The following RIMS2 variants were observed in gnomAD, a reference collection of about 807,000 sequenced individuals.
The protein encoded by RIMS2 is regulating synaptic membrane exocytosis protein 2.
A neutral mutation model predicts 174.4 loss-of-function variants in RIMS2; 59 were observed. The ratio of observed to expected loss-of-function variants is 0.34; its 90% CI spans 0.27 to 0.42. The LOEUF is 0.42. Ranked by LOEUF, RIMS2 falls within the 10% of genes least tolerant of loss-of-function variation. The pLI is 1.00. For missense variants in RIMS2, 1,620 were observed against 1,666.3 expected (o/e 0.97, Z 0.48); for synonymous variants, 606 against 572.5 (o/e 1.06, Z -0.84).
At chr8:103,748,673 T>C (rs996100842) in intron 2 of RIMS2, among the ~76,000 whole-genome samples, 1 of 152,162 alleles carries the variant, frequency 6.6e-6, no homozygotes, top group African/African-American at 2.4e-5. Flanking sequence ...TATAAAGCAT[T>C]GTCTTCTTTA....
intron 1 of RIMS2, among the ~76,000 whole-genome samples, chr8:103,608,937 G>A (rs562735236): frequency 6.0e-4 from 92 of 152,330 alleles, no homozygotes; most frequent in Admixed American, 1.6e-3. Flanking sequence ...TGGAAATGCA[G>A]AAATCACCCT....
chr8:103,790,281 C>G (rs1015874427), intron 3 of RIMS2, among the ~76,000 whole-genome samples: 2 of 152,186 alleles, frequency 1.3e-5, no homozygotes, highest in African/African-American at 4.8e-5. Context: ...CCTCAGTCCT[C>G]TGGCAACCAC....
intron 19 of RIMS2, among the ~76,000 whole-genome samples, chr8:104,131,329 G>T (rs1401255997): frequency 6.6e-6 from 1 of 152,156 alleles, no homozygotes; most frequent in African/African-American, 2.4e-5. Flanking sequence ...TTGCTGATTG[G>T]TTGGATAGAG....
intron 4 of RIMS2, among the ~76,000 whole-genome samples, chr8:103,901,412 C>T (rs1176203374): frequency 6.6e-6 from 1 of 152,138 alleles, no homozygotes; most frequent in Non-Finnish European, 1.5e-5. Context: ...AACTTGCTGA[C>T]ATTGAGAATT....
At chr8:103,788,648 G>A (rs2098466789) in intron 3 of RIMS2, among the ~76,000 whole-genome samples, 1 of 151,990 alleles carries the variant, frequency 6.6e-6, no homozygotes, top group South Asian at 2.1e-4. Context: ...CCAGCTGCGT[G>A]CTGGGAGAAC....
chr8:103,554,414 T>G (rs1395910160), intron 1 of RIMS2, among the ~76,000 whole-genome samples: 1 of 152,094 alleles, frequency 6.6e-6, no homozygotes, highest in African/African-American at 2.4e-5. Flanking sequence ...AGATGACATA[T>G]ACGCGGCCAA....
chr8:103,674,253 C>T (rs1350716598), intron 1 of RIMS2, among the ~76,000 whole-genome samples: 3 of 152,148 alleles, frequency 2.0e-5, no homozygotes, highest in African/African-American at 7.2e-5. Context: ...TTCTTCTGAG[C>T]CCTCCAAACT....
chr8:103,906,556 G>A (rs1405360156), intron 4 of RIMS2, among the ~76,000 whole-genome samples: 2 of 152,048 alleles, frequency 1.3e-5, no homozygotes, highest in African/African-American at 4.8e-5. Flanking sequence ...TATATGACAG[G>A]TTTTTTTGTC....
chr8:104,062,105 T>C (rs1346570788), intron 19 of RIMS2, among the ~76,000 whole-genome samples: 2 of 152,138 alleles, frequency 1.3e-5, no homozygotes, highest in Non-Finnish European at 2.9e-5. Flanking sequence ...AAAGAACAAT[T>C]AAAATATTCA....
intron 1 of RIMS2, among the ~76,000 whole-genome samples, chr8:103,514,010 A>T (rs572153036): frequency 2.1e-5 from 3 of 143,596 alleles, no homozygotes; most frequent in African/African-American, 7.9e-5. Context: ...GTGTTTCCCT[A>T]TTGCCAGCTA....
intron 1 of RIMS2, among the ~76,000 whole-genome samples, chr8:103,634,408 T>C (rs755649495): frequency 6.6e-6 from 1 of 152,238 alleles, no homozygotes; most frequent in Non-Finnish European, 1.5e-5. Flanking sequence ...TTCAGTTCTT[T>C]TACATTTGTT....
At chr8:103,612,282 G>A (rs1054994212) in intron 1 of RIMS2, among the ~76,000 whole-genome samples, 3 of 152,028 alleles carry the variant, frequency 2.0e-5, no homozygotes, top group Non-Finnish European at 2.9e-5. Context: ...TCAGGATTGG[G>A]CCCTGGTGCC....
chr8:104,143,280 A>G (rs2098600966), intron 19 of RIMS2, among the ~76,000 whole-genome samples: 1 of 152,216 alleles, frequency 6.6e-6, no homozygotes, highest in South Asian at 2.1e-4. Context: ...ATTTGTAGTA[A>G]ATTAGGATAA....
chr8:104,138,644 A>G (rs959815585), intron 19 of RIMS2, among the ~76,000 whole-genome samples: 4 of 152,036 alleles, frequency 2.6e-5, no homozygotes, highest in African/African-American at 9.7e-5. Context: ...CTGTTGACTG[A>G]ACTCCTTGTA....
intron 19 of RIMS2, among the ~76,000 whole-genome samples, chr8:104,165,865 A>G (rs2098793659): frequency 1.3e-5 from 2 of 152,134 alleles, no homozygotes; most frequent in South Asian, 4.1e-4. Flanking sequence ...TTTCTAATAA[A>G]GAAAAATGGT....
chr8:103,744,531 A>C (rs2097789804), intron 2 of RIMS2, among the ~76,000 whole-genome samples: 1 of 152,152 alleles, frequency 6.6e-6, no homozygotes, highest in Non-Finnish European at 1.5e-5. Context: ...GGTTCCTGAA[A>C]AGCTTAGTAG....
chr8:104,248,922 T>TTTCC lies in RIMS2; in HGVS notation c.3589+109_3589+110insTTCC, dbSNP rs2099349368. ...CTCTCTCTCTCTCTCTTTCCCTCTCTCTCTCCCTCTATTTTTTTTTTTTTA... is the reference window on the plus strand; with the variant it reads ...CTCTCTCTCTCTCTCTTTCCCTCTCTTTCCCTCTCCCTCTATTTTTTTTTTTTTA... On this transcript the variant is annotated intron_variant, in intron 21 of 23. Transcript: ENST00000504942. 46 of 564,730 alleles carry TTTCC rather than the reference T, an allele frequency of 8.1e-5. No individual in the cohort carries two copies. In the South Asian group the frequency reaches 9.5e-4, roughly 12 times the overall value. 35.0% of individuals were successfully genotyped at this position (564,730 alleles called of 1,614,324 possible).
intron 1 of RIMS2, among the ~76,000 whole-genome samples, chr8:103,693,077 C>A (rs1432425194): frequency 6.6e-6 from 1 of 152,150 alleles, no homozygotes; most frequent in Non-Finnish European, 1.5e-5. Flanking sequence ...ATGGGCAATT[C>A]ACTTCTGGCT....
intron 19 of RIMS2, among the ~76,000 whole-genome samples, chr8:104,121,037 C>G (rs773930664): frequency 3.9e-4 from 59 of 151,860 alleles, no homozygotes; most frequent in Admixed American, 1.3e-4. Flanking sequence ...TTTTTTTTCT[C>G]TAACCATTTT....
Sources: allele counts gnomAD v4.1 joint callset (sites outside exome capture counted in the v4.1 genomes callset), GRCh38; gene constraint gnomAD v4.1.1; transcripts MANE v1.5; gene names NCBI Gene and HGNC (gene_info 2026-07-23, HGNC 2026-07-21).